Variants in FIGNL2 observed in about 807,000 individuals in gnomAD.
FIGNL2 encodes fidgetin-like protein 2.
For missense variants in FIGNL2, 1,060 were observed against 950.2 expected (o/e 1.12, Z -1.52); for synonymous variants, 565 against 484.0 (o/e 1.17, Z -2.20).
At chr12:51,830,780 A>C (rs140279555) in intron 1 of FIGNL2, among the ~76,000 whole-genome samples, 8 of 151,872 alleles carry the variant, frequency 5.3e-5, no homozygotes, top group Non-Finnish European at 1.0e-4. Flanking sequence ...ATGAGCCACC[A>C]CACCCGGCCT....
intron 1 of FIGNL2, among the ~76,000 whole-genome samples, chr12:51,827,504 G>A (rs1398207619): frequency 6.6e-6 from 1 of 152,158 alleles, no homozygotes; most frequent in Non-Finnish European, 1.5e-5. Flanking sequence ...GGGATTACAG[G>A]CCTGAGCCAC....
At position 51,843,030 on chromosome 12, in the gene FIGNL2, C is replaced by A. The variant is rs552323320; in HGVS notation, c.-12+5510G>T. On this transcript the variant is annotated intron_variant, in intron 1 of 1. Transcript: ENST00000618634. ...CAAAGCAACACCAAAGCTGGGGCCA[C>A]CCTTGGGCTCTCCCTGGCCATGTGG... Among the ~76,000 whole-genome samples, 5 of 152,304 alleles carry A rather than the reference C, an allele frequency of 3.3e-5. No individual in the cohort carries two copies. In the East Asian group the frequency reaches 7.7e-4, roughly 24 times the overall value.
chr12:51,832,217 A>G (rs1004180015), intron 1 of FIGNL2, among the ~76,000 whole-genome samples: 5 of 151,942 alleles, frequency 3.3e-5, no homozygotes, highest in African/African-American at 1.2e-4. Flanking sequence ...GGGTTTCTCT[A>G]TGTTGGCCAG....
chr12:51,847,470 TCTC>T (rs1232637989), intron 1 of FIGNL2: 1 of 985,278 alleles, frequency 1.0e-6, no homozygotes, highest in Non-Finnish European at 1.2e-6. Flanking sequence ...AGTCCTCTAT[TCTC>T]CTCCAAATTA....
Position 51,821,532 on chromosome 12 carries a change from G to A in FIGNL2, c.882C>T (p.Ala294=). 1 of 1,563,308 alleles carries A rather than the reference G, an allele frequency of 6.4e-7. No individual in the cohort carries two copies. The highest frequency in any genetic ancestry group is 8.6e-7 in the Non-Finnish European group (1 of 1,163,550). ...CGCCGTTGTCCGCGGCGGGGTAGGA[G>A]GCTCCGTCAGCCACGGGGGCCTTGG... ...EPAKAPVADG[A]SYPAADNGEC... is the part of the protein sequence containing the mutation. Residue 294 remains alanine (A), a synonymous_variant, in exon 2 of 2, where the codon GCC becomes GCT. Coordinates refer to ENST00000618634, the MANE Select transcript of FIGNL2 (RefSeq NM_001384995.1).
chr12:51,830,297 A>G (rs960633530), intron 1 of FIGNL2, among the ~76,000 whole-genome samples: 10 of 150,714 alleles, frequency 6.6e-5, no homozygotes, highest in Non-Finnish European at 8.8e-5. Flanking sequence ...TCAAAAAAAA[A>G]AAGAAGAAGA....
intron 1 of FIGNL2, chr12:51,831,932 C>T (rs1939481040): frequency 6.5e-6 from 1 of 152,732 alleles, no homozygotes; most frequent in Admixed American, 6.5e-5. Flanking sequence ...CCTCCACCTC[C>T]CAGGCTCAAG....
At chr12:51,840,382 C>A (rs187855618) in intron 1 of FIGNL2, among the ~76,000 whole-genome samples, 1 of 152,326 alleles carries the variant, frequency 6.6e-6, no homozygotes, top group Admixed American at 6.5e-5. Flanking sequence ...AAACCTATGA[C>A]CTGTTCTCAA....
At chr12:51,829,296 G>A (rs1470234971) in intron 1 of FIGNL2, among the ~76,000 whole-genome samples, 1 of 152,200 alleles carries the variant, frequency 6.6e-6, no homozygotes. Flanking sequence ...GGTGCCCCAG[G>A]GGGTCTCTGG....
At chr12:51,831,253 C>G (rs1399985198) in intron 1 of FIGNL2, among the ~76,000 whole-genome samples, 1 of 152,054 alleles carries the variant, frequency 6.6e-6, no homozygotes, top group Admixed American at 6.5e-5. Context: ...TCAGAGACAG[C>G]GGAGGTACTT....
In FIGNL2 at chr12:51,821,221, C is replaced by T; in HGVS notation, c.1193G>A (p.Gly398Asp). ...PVQWADVAGQ[G>D]ALKAALEEEL... The stretch of plus-strand genomic sequence containing the variant: ...CTCCTCCAGCGCCGCCTTGAGCGCG[C>T]CCTGGCCCGCCACATCCGCCCACTG... The change falls in exon 2 of 2, where the codon GGC becomes GAC. Residue 398 changes from glycine to aspartate, a missense_variant. Gly to Asp is a moderately conservative substitution (Grantham distance 94). Transcript: ENST00000618634. 1 of 1,522,712 alleles carries T rather than the reference C, an allele frequency of 6.6e-7. No individual in the cohort carries two copies. The highest frequency in any genetic ancestry group is 8.8e-7 in the Non-Finnish European group (1 of 1,141,422). The allele number at this position is 1,522,712 out of a possible 1,614,324, so 94.3% of individuals were successfully genotyped here.
At chr12:51,825,827 AG>A (rs1939330683) in intron 1 of FIGNL2, 1 of 151,940 alleles carries the variant, frequency 6.6e-6, no homozygotes, top group African/African-American at 2.4e-5. Flanking sequence ...CGTGTTAGCC[AG>A]GATGGTCTCG....
chr12:51,825,283 G>T (rs994130871), intron 1 of FIGNL2, among the ~76,000 whole-genome samples: 1 of 152,158 alleles, frequency 6.6e-6, no homozygotes, highest in Non-Finnish European at 1.5e-5. Context: ...AGAAGACTCA[G>T]ATCTGGACTT....
At chr12:51,848,325 G>T in intron 1 of FIGNL2, 1 of 970,954 alleles carries the variant, frequency 1.0e-6, no homozygotes, top group Non-Finnish European at 1.2e-6. Flanking sequence ...TGCTCTGCCC[G>T]CCCCCTCCCC....
In FIGNL2 at chr12:51,822,181, G is replaced by T. The variant is rs1313777080; in HGVS notation, c.233C>A (p.Pro78Gln). Reference sequence around the variant, plus strand: ...GGCGTCGCTGTACCCGCCCAGGGCCGGACGCTCGTAGGGAGAATCCAAGAC... The same window carrying T: ...GGCGTCGCTGTACCCGCCCAGGGCCTGACGCTCGTAGGGAGAATCCAAGAC... ...SGVLDSPYER[P>Q]ALGGYSDASF... The change falls in exon 2 of 2, where the codon CCG becomes CAG. Residue 78 changes from proline (P) to glutamine (Q), a missense_variant. Transcript: ENST00000618634. 1.2e-6 allele frequency: 2 copies of T among 1,611,480 alleles called. No homozygotes were observed. Among genetic ancestry groups the T allele is most frequent in the East Asian group, 2.2e-5 (1 of 44,752 alleles).
Position 51,830,296 on chromosome 12 carries a change from A to AAAAAAAAG in FIGNL2, c.-11-7873_-11-7872insCTTTTTTT, listed in dbSNP as rs572398364. Among the ~76,000 whole-genome samples, 558 of 152,002 alleles carry AAAAAAAAG rather than the reference A, an allele frequency of 3.7e-3. 3 individuals are homozygous for AAAAAAAAG. Among genetic ancestry groups the AAAAAAAAG allele is most frequent in the African/African-American group, 0.013 (519 of 41,418 alleles). ...AGAGCCAGTCTCCATCTCAAAAAAAAAAAGAAGAAGAAGAAAATTACTGAG... is the reference window on the plus strand; with the variant it reads ...AGAGCCAGTCTCCATCTCAAAAAAAAAAAAAAAGAAAGAAGAAGAAGAAAATTACTGAG... On this transcript the variant is annotated intron_variant, in intron 1 of 1. Transcript: ENST00000618634.
At chr12:51,829,714 AT>A (rs1283650563) in intron 1 of FIGNL2, among the ~76,000 whole-genome samples, 3 of 151,978 alleles carry the variant, frequency 2.0e-5, no homozygotes, top group African/African-American at 7.2e-5. Context: ...TGCAGACTTG[AT>A]CAGCTAACAG....
chr12:51,819,311 C>T lies in FIGNL2; in HGVS notation c.*1141G>A, dbSNP rs920807057. On this transcript the variant is annotated 3_prime_UTR_variant, in exon 2 of 2. Coordinates refer to ENST00000618634, the MANE Select transcript of FIGNL2 (RefSeq NM_001384995.1). ...CACTCAGCGGAGGGGTTGGGTGGGG[C>T]AGGGGGTGGGGAGCAGCAGGAGAGG... is the stretch of plus-strand genomic sequence containing the variant. 1 of 151,970 alleles carries T rather than the reference C, an allele frequency of 6.6e-6. No individual in the cohort carries two copies. Among genetic ancestry groups the T allele is most frequent in the Non-Finnish European group, 1.5e-5 (1 of 67,930 alleles). The allele number at this position is 151,970 out of a possible 1,614,324, so 9.4% of individuals were successfully genotyped here.
Position 51,821,643 on chromosome 12 carries a change from C to G in FIGNL2, c.771G>C (p.Pro257=). The change falls in exon 2 of 2, where the codon CCG becomes CCC. Residue 257 remains proline, a synonymous_variant. Transcript: ENST00000618634. ...PTAYGFPTAA[P]GAESGLSLKR... ...TCAGCGACAGCCCGGATTCGGCACCCGGCGCGGCCGTGGGGAAGCCATAGG... is the reference window on the plus strand; with the variant it reads ...TCAGCGACAGCCCGGATTCGGCACCGGGCGCGGCCGTGGGGAAGCCATAGG... The G allele has an allele frequency of 6.8e-7, 1 of 1,475,370 alleles. No individual in the cohort carries two copies. Among genetic ancestry groups the G allele is most frequent in the Non-Finnish European group, 8.9e-7 (1 of 1,119,466 alleles). The allele number at this position is 1,475,370 out of a possible 1,614,324, so 91.4% of individuals were successfully genotyped here. A position where few individuals can be genotyped will look rare whatever the true frequency, so the allele number is the denominator to read the frequency against.
Sources: allele counts gnomAD v4.1 joint callset (sites outside exome capture counted in the v4.1 genomes callset), GRCh38; gene constraint gnomAD v4.1.1; transcripts MANE v1.5; gene names NCBI Gene and HGNC (gene_info 2026-07-23, HGNC 2026-07-21).